The following COXFA4 variants were observed in gnomAD, a reference collection of about 807,000 sequenced individuals.
COXFA4 encodes the protein cytochrome c oxidase subunit FA4.
the COXFA4 span, chr7:10,939,984 G>T: frequency 6.2e-7 from 1 of 1,613,230 alleles, no homozygotes; most frequent in South Asian, 1.1e-5. Flanking sequence ...GAAGGACAAG[G>T]GAAAACATTA....
At chr7:10,936,997 C>T in the COXFA4 span, among the ~76,000 whole-genome samples, 1 of 152,108 alleles carries the variant, frequency 6.6e-6, no homozygotes, top group African/African-American at 2.4e-5. Flanking sequence ...GATAATGGCA[C>T]TGCACTCCAG....
chr7:10,940,013 T>G, the COXFA4 span: 1 of 1,613,818 alleles, frequency 6.2e-7, no homozygotes, highest in Non-Finnish European at 8.5e-7. Context: ...GTCACGAACT[T>G]ACGCTCGGAT....
At chr7:10,932,963 CAAA>C in the COXFA4 span, 3 of 121,094 alleles carry the variant, frequency 2.5e-5, no homozygotes, top group Non-Finnish European at 3.5e-5. Flanking sequence ...GAGACTATCT[CAAA>C]AAAAAAAAAA....
At chr7:10,938,090 CTTGTA>C in the COXFA4 span, 1 of 1,612,494 alleles carries the variant, frequency 6.2e-7, no homozygotes, top group Non-Finnish European at 8.5e-7. Context: ...TGTAGTTTAC[CTTGTA>C]TTGATCATTG....
chr7:10,938,854 C>A, the COXFA4 span: 2 of 1,613,670 alleles, frequency 1.2e-6, no homozygotes, highest in Non-Finnish European at 1.7e-6. Context: ...TACAGTGTTG[C>A]TCCAGTAGCT....
the COXFA4 span, chr7:10,933,331 T>A: frequency 3.1e-6 from 1 of 319,770 alleles, no homozygotes; most frequent in African/African-American, 2.2e-5. Context: ...GGAAGTGTTT[T>A]ACTAAAGCAG....
chr7:10,934,145 A>T, the COXFA4 span, among the ~76,000 whole-genome samples: 4 of 152,088 alleles, frequency 2.6e-5, no homozygotes, highest in Admixed American at 2.0e-4. Flanking sequence ...TCCTGCAACA[A>T]AAAGAGGCTA....
the COXFA4 span, chr7:10,938,066 C>T: frequency 9.3e-6 from 15 of 1,606,726 alleles, no homozygotes; most frequent in Non-Finnish European, 1.3e-5. Flanking sequence ...TTTCTAACAA[C>T]TTTAAAACAA....
chr7:10,935,550 G>A, the COXFA4 span, among the ~76,000 whole-genome samples: 35,781 of 152,114 alleles, frequency 0.24, 5,391 homozygotes, highest in African/African-American at 0.43. Flanking sequence ...AACCTCAAAC[G>A]CCAATGGTGA....
At chr7:10,933,372 T>G in the COXFA4 span, 3 of 414,390 alleles carry the variant, frequency 7.2e-6, no homozygotes, top group South Asian at 1.0e-4. Context: ...CTACAGAAAT[T>G]CAAGAAATTC....
At chr7:10,938,328 A>G in the COXFA4 span, 1 of 580,870 alleles carries the variant, frequency 1.7e-6, no homozygotes, top group Non-Finnish European at 3.0e-6. Flanking sequence ...AATCAATTAG[A>G]AAAAAGGTAG....
At chr7:10,935,704 G>T in the COXFA4 span, among the ~76,000 whole-genome samples, 1 of 152,142 alleles carries the variant, frequency 6.6e-6, no homozygotes, top group African/African-American at 2.4e-5. Context: ...GAACAGAATT[G>T]GTTGGCACCT....
the COXFA4 span, chr7:10,939,601 G>T: frequency 1.0e-5 from 2 of 190,792 alleles, no homozygotes; most frequent in Non-Finnish European, 2.2e-5. Context: ...TTACCAAAAG[G>T]CCTGGTGGTG....
At chr7:10,936,225 C>T in the COXFA4 span, among the ~76,000 whole-genome samples, 1 of 152,332 alleles carries the variant, frequency 6.6e-6, no homozygotes, top group South Asian at 2.1e-4. Context: ...CATAACATGA[C>T]ACTCTTCATC....
At chr7:10,936,161 T>C in the COXFA4 span, among the ~76,000 whole-genome samples, 4 of 152,246 alleles carry the variant, frequency 2.6e-5, no homozygotes, top group African/African-American at 9.6e-5. Flanking sequence ...GTAGGTTTCA[T>C]TTACTCCAGC....
At chr7:10,937,830 T>C in the COXFA4 span, 1 of 474,024 alleles carries the variant, frequency 2.1e-6, no homozygotes, top group African/African-American at 1.9e-5. Flanking sequence ...AACACTGTGT[T>C]AGACTACCTA....
chr7:10,937,325 C>G, the COXFA4 span, among the ~76,000 whole-genome samples: 1 of 151,826 alleles, frequency 6.6e-6, no homozygotes, highest in Non-Finnish European at 1.5e-5. Context: ...TTCTGTTGCC[C>G]AGGTTGGAGT....
the COXFA4 span, chr7:10,939,697 A>T: frequency 2.3e-6 from 1 of 430,350 alleles, no homozygotes; most frequent in Non-Finnish European, 4.3e-6. Flanking sequence ...CACAGCGCAC[A>T]TCTATCCCTC....
the COXFA4 span, among the ~76,000 whole-genome samples, chr7:10,934,937 T>C: frequency 5.9e-5 from 9 of 152,356 alleles, no homozygotes; most frequent in East Asian, 1.2e-3. Flanking sequence ...CTCTAACATA[T>C]TAACAAAATA....
Sources: gnomAD v4.1 joint callset for allele counts (sites outside exome capture counted in the v4.1 genomes callset) on GRCh38, gnomAD v4.1.1 for gene constraint, MANE v1.5 for transcripts, NCBI Gene and HGNC (gene_info 2026-07-23, HGNC 2026-07-21) for gene names.